USP9X: variants seen among roughly 807,000 people sequenced by gnomAD.
The protein encoded by USP9X is ubiquitin specific peptidase 9 X-linked.
In USP9X, 7 loss-of-function variants were observed where a neutral mutation model predicts 190.3. The ratio of observed to expected loss-of-function variants is 0.04; its 90% CI spans 0.02 to 0.07. The LOEUF (loss-of-function observed/expected upper bound fraction) is 0.07. Ranked by LOEUF, USP9X falls within the 10% of genes least tolerant of loss-of-function variation. The pLI, the probability that USP9X is intolerant of heterozygous loss-of-function variation, is 1.00. For missense variants in USP9X, 1,010 were observed against 1,916.9 expected (o/e 0.53, Z 8.83); for synonymous variants, 645 against 659.5 (o/e 0.98, Z 0.34).
intron 41 of USP9X, among the ~76,000 whole-genome samples, chrX:41,226,928 A>G (rs1179116284): frequency 8.9e-6 from 1 of 112,037 alleles, no homozygotes; most frequent in Non-Finnish European, 1.9e-5. Flanking sequence ...AGCTTGACCA[A>G]CATAGCAAGA....
intron 14 of USP9X, among the ~76,000 whole-genome samples, chrX:41,160,453 C>T (rs1315986437): frequency 9.0e-6 from 1 of 110,543 alleles, no homozygotes; most frequent in Non-Finnish European, 1.9e-5. Flanking sequence ...TGAATGTTTC[C>T]AAAGTTCTAC....
intron 1 of USP9X, among the ~76,000 whole-genome samples, chrX:41,095,564 A>G (rs746317796): frequency 1.8e-5 from 2 of 112,131 alleles, no homozygotes; most frequent in Admixed American, 1.9e-4. Flanking sequence ...GTGTGAAAGT[A>G]TAGTGTTTTC....
At chrX:41,218,842 T>C (rs1569200348) in intron 37 of USP9X, among the ~76,000 whole-genome samples, 1 of 112,619 alleles carries the variant, frequency 8.9e-6, no homozygotes, top group Non-Finnish European at 1.9e-5. Context: ...ATAAGTTTAC[T>C]GTTAAGTAGA....
chrX:41,218,269 G>A, intron 36 of USP9X, 103 bp from the exon 37 acceptor site: 1 of 799,942 alleles, frequency 1.3e-6, no homozygotes, highest in Non-Finnish European at 1.8e-6. Flanking sequence ...CAGCAGTAGA[G>A]GAAGATCTTT....
intron 38 of USP9X, among the ~76,000 whole-genome samples, chrX:41,221,404 A>G (rs1275768749): frequency 1.8e-5 from 2 of 112,245 alleles, no homozygotes; most frequent in East Asian, 5.5e-4. Flanking sequence ...TGTAGTTGCC[A>G]TAAAATATGT....
chrX:41,089,917 T>G (rs1440279522), intron 1 of USP9X, among the ~76,000 whole-genome samples: 1 of 80,476 alleles, frequency 1.2e-5, no homozygotes, highest in Non-Finnish European at 2.4e-5. Flanking sequence ...TTTTTTTTTT[T>G]TTTTTTTTTT....
At chrX:41,094,934 G>A (rs1407603649) in intron 1 of USP9X, among the ~76,000 whole-genome samples, 1 of 109,658 alleles carries the variant, frequency 9.1e-6, no homozygotes, top group Non-Finnish European at 1.9e-5. Context: ...CAGCTACTCA[G>A]GAGGCTGAGG....
chrX:41,184,957 G>T (rs1320946564), intron 23 of USP9X, among the ~76,000 whole-genome samples: 1 of 111,775 alleles, frequency 8.9e-6, no homozygotes, highest in Admixed American at 9.5e-5. Flanking sequence ...CTTGTGCCTG[G>T]TAGATATATA....
chrX:41,116,863 A>G (rs1298282368), intron 1 of USP9X, among the ~76,000 whole-genome samples: 1 of 111,896 alleles, frequency 8.9e-6, no homozygotes, highest in African/African-American at 3.3e-5. Context: ...TAAGATAGGC[A>G]GATTGTAAGT....
At chrX:41,159,714 C>T (rs1337841811) in intron 14 of USP9X, among the ~76,000 whole-genome samples, 5 of 109,769 alleles carry the variant, frequency 4.6e-5, no homozygotes, top group African/African-American at 1.0e-4. Context: ...TTTGTAGAAA[C>T]GGTTTCGCCA....
In USP9X at chrX:41,166,307, A is replaced by T. The variant is rs1020955213; in HGVS notation, c.2328+93A>T. On this transcript the variant is annotated intron_variant, in intron 16 of 44. Coordinates refer to ENST00000378308, the MANE Select transcript of USP9X (RefSeq NM_001039591.3). ...ATTTTGCATATAAATTGTGTATTTT[A>T]CTCTGATGTTTGTCTCAGGAATTTG... 10 of 666,124 alleles carry T rather than the reference A, an allele frequency of 1.5e-5. No homozygotes were observed. The Admixed American group carries it at 3.7e-4, about 25-fold the overall frequency. 54.9% of individuals were successfully genotyped at this position (666,124 alleles called of 1,213,427 possible). A position where few individuals can be genotyped will look rare whatever the true frequency, so the allele number is the denominator to read the frequency against.
At chrX:41,199,471 C>T (rs900318722) in intron 30 of USP9X, among the ~76,000 whole-genome samples, 2 of 111,250 alleles carry the variant, frequency 1.8e-5, no homozygotes, top group East Asian at 2.8e-4. Flanking sequence ...TGCAGTGGCG[C>T]GATCTCGGCT....
chrX:41,191,329 CAAAAA>C (rs60716097), intron 26 of USP9X, among the ~76,000 whole-genome samples: 1 of 65,677 alleles, frequency 1.5e-5, no homozygotes. Flanking sequence ...AACTCCATGT[CAAAAA>C]AAAAAAAAAA....
intron 14 of USP9X, 112 bp downstream of exon 14, chrX:41,153,193 C>A: frequency 1.3e-6 from 1 of 797,676 alleles, no homozygotes; most frequent in Non-Finnish European, 1.7e-6. Context: ...TCCACTATTA[C>A]TCCCAACTCT....
chrX:41,130,346 T>C, intron 3 of USP9X, among the ~76,000 whole-genome samples: 1 of 111,375 alleles, frequency 9.0e-6, no homozygotes, highest in East Asian at 2.8e-4. Context: ...TTGTATTGTT[T>C]GTTGCTTTTC....
intron 21 of USP9X, among the ~76,000 whole-genome samples, chrX:41,179,351 A>G (rs926822363): frequency 8.9e-6 from 1 of 112,170 alleles, no homozygotes; most frequent in Non-Finnish European, 1.9e-5. Context: ...TTTGGGTAAT[A>G]TGGACATTTT....
intron 1 of USP9X, among the ~76,000 whole-genome samples, chrX:41,108,409 T>C (rs1318625556): frequency 9.0e-6 from 1 of 111,595 alleles, no homozygotes; most frequent in Non-Finnish European, 1.9e-5. Flanking sequence ...TCTCATGCTT[T>C]CCAGGGGTAA....
chrX:41,211,377 C>T (rs181402891), intron 33 of USP9X, among the ~76,000 whole-genome samples: 3 of 112,324 alleles, frequency 2.7e-5, no homozygotes, highest in African/African-American at 9.7e-5. Flanking sequence ...TATAAATTTG[C>T]CCTTTATCTT....
At chrX:41,103,662 C>T (rs73478498) in intron 1 of USP9X, among the ~76,000 whole-genome samples, 114 of 111,701 alleles carry the variant, frequency 1.0e-3, no homozygotes, top group African/African-American at 3.6e-3. Flanking sequence ...GGAATTTAAT[C>T]CTAATTTCAT....
Sources: allele counts gnomAD v4.1 joint callset (sites outside exome capture counted in the v4.1 genomes callset), GRCh38; gene constraint gnomAD v4.1.1; transcripts MANE v1.5; gene names NCBI Gene and HGNC (gene_info 2026-07-23, HGNC 2026-07-21).